NCAM1: variants seen among roughly 807,000 people sequenced by gnomAD.
NCAM1 encodes antigen recognized by monoclonal antibody 5.1H11.
In NCAM1, 14 loss-of-function variants were observed where a neutral mutation model predicts 109.8. That is an observed-to-expected ratio of 0.13 (90% CI 0.08 to 0.20). NCAM1 has a LOEUF of 0.20. NCAM1 is among the 10% of genes least tolerant of loss of function. The probability of loss-of-function intolerance (pLI) is 1.00; values close to 1 mark genes in which losing one functional copy is unlikely to be tolerated. For synonymous variants in NCAM1, 418 were observed against 442.9 expected (o/e 0.94, Z 0.70); for missense variants, 774 against 1,109.9 (o/e 0.70, Z 4.30).
chr11:113,069,692 G>C (rs1184094269), intron 1 of NCAM1, among the ~76,000 whole-genome samples: 2 of 152,192 alleles, frequency 1.3e-5, no homozygotes, highest in East Asian at 3.8e-4. Flanking sequence ...ATGAGGCAAT[G>C]GCTATGGAGA....
chr11:113,223,946 T>A (rs1375617432), intron 9 of NCAM1, among the ~76,000 whole-genome samples: 1 of 151,930 alleles, frequency 6.6e-6, no homozygotes, highest in Non-Finnish European at 1.5e-5. Flanking sequence ...GCCCTGGAGG[T>A]AGGGGCGGTT....
In NCAM1 at chr11:113,270,432, C is replaced by A. The variant is rs782093315; in HGVS notation, c.2339+37C>A. On this transcript the variant is annotated intron_variant, in intron 18 of 19. Coordinates refer to ENST00000316851, the MANE Select transcript of NCAM1 (RefSeq NM_181351.5). ...CCTGTCCACCTTGCTGAGGTTTGGG[C>A]TCTGCTCCAGCCCAGGGACCCAGCA... is the stretch of plus-strand genomic sequence containing the variant. 3.7e-6 allele frequency: 6 copies of A among 1,602,070 alleles called. No homozygotes were observed. The South Asian group carries it at 5.5e-5, about 15-fold the overall frequency.
At chr11:113,072,051 A>G (rs1368174856) in intron 1 of NCAM1, among the ~76,000 whole-genome samples, 1 of 152,196 alleles carries the variant, frequency 6.6e-6, no homozygotes, top group African/African-American at 2.4e-5. Flanking sequence ...AGGCTGAGGC[A>G]AGAAAATCAC....
intron 1 of NCAM1, among the ~76,000 whole-genome samples, chr11:113,083,754 G>A (rs782609293): frequency 6.6e-6 from 1 of 152,168 alleles, no homozygotes; most frequent in Non-Finnish European, 1.5e-5. Flanking sequence ...ACTGTTCTGA[G>A]CCAATGTAGT....
chr11:113,207,432 C>A, intron 6 of NCAM1, 54 bp downstream of exon 6: 1 of 1,425,478 alleles, frequency 7.0e-7, no homozygotes, highest in Non-Finnish European at 9.9e-7. Context: ...TGGGGCATCA[C>A]AAAGTCTGCT....
intron 1 of NCAM1, among the ~76,000 whole-genome samples, chr11:113,142,557 C>T (rs951739849): frequency 2.0e-5 from 3 of 152,148 alleles, no homozygotes; most frequent in African/African-American, 4.8e-5. Flanking sequence ...CCTTTAACAA[C>T]CCAGGTAGAG....
chr11:113,079,316 A>G (rs982703747), intron 1 of NCAM1, among the ~76,000 whole-genome samples: 1 of 152,230 alleles, frequency 6.6e-6, no homozygotes, highest in Admixed American at 6.5e-5. Flanking sequence ...GTCTAGAGTC[A>G]GTCCACTGGT....
intron 14 of NCAM1, among the ~76,000 whole-genome samples, chr11:113,238,032 G>A (rs1461925565): frequency 1.3e-5 from 2 of 150,990 alleles, no homozygotes; most frequent in Non-Finnish European, 2.9e-5. Context: ...AATTTTTAAT[G>A]AAATTTTAAT....
chr11:113,083,801 G>T (rs1386474102), intron 1 of NCAM1, among the ~76,000 whole-genome samples: 1 of 152,094 alleles, frequency 6.6e-6, no homozygotes, highest in East Asian at 1.9e-4. Context: ...AGTAGCAAGG[G>T]CTTTGTCTTT....
chr11:113,029,297 G>A (rs868915958), intron 1 of NCAM1, among the ~76,000 whole-genome samples: 50 of 152,190 alleles, frequency 3.3e-4, no homozygotes, highest in African/African-American at 1.1e-3. Context: ...ACAGATAGTG[G>A]TGAAATATTC....
At chr11:112,993,181 G>A (rs1951509374) in intron 1 of NCAM1, among the ~76,000 whole-genome samples, 1 of 152,194 alleles carries the variant, frequency 6.6e-6, no homozygotes, top group South Asian at 2.1e-4. Flanking sequence ...TCATGGTTCT[G>A]CAGGCTTTAC....
At chr11:113,231,247 A>C (rs1439794333) in intron 9 of NCAM1, 5 of 1,536,126 alleles carry the variant, frequency 3.3e-6, no homozygotes, top group Non-Finnish European at 4.4e-6. Context: ...ACAGGCTGGC[A>C]GTGCAGGTTT....
chr11:113,067,003 C>CA (rs34002848), intron 1 of NCAM1, among the ~76,000 whole-genome samples: 76,364 of 103,722 alleles, frequency 0.74, 27,503 homozygotes, highest in Non-Finnish European at 0.76. Flanking sequence ...GAACCCCTCT[C>CA]AAAAAAAAAA....
At position 112,963,055 on chromosome 11, in the gene NCAM1, G is replaced by A. The variant is rs1383863565; in HGVS notation, c.52+1391G>A. On this transcript the variant is annotated intron_variant, in intron 1 of 19. Coordinates refer to ENST00000316851, the MANE Select transcript of NCAM1 (RefSeq NM_181351.5). This position sits in a 1 kb window ranked among gnomAD's most constrained non-coding sequence, Gnocchi z 4.6. ...GGCACAAGAGCAGCGCTCGGCCGCC[G>A]CCTCCAGCCAACTCGGGTCCCTCCC... Among the ~76,000 whole-genome samples the A allele has an allele frequency of 6.6e-6, 1 of 152,132 alleles. No individual in the cohort carries two copies. The highest frequency in any genetic ancestry group is 1.5e-5 in the Non-Finnish European group (1 of 68,006).
At chr11:113,134,935 T>A (rs1555099096) in intron 1 of NCAM1, among the ~76,000 whole-genome samples, 1 of 151,978 alleles carries the variant, frequency 6.6e-6, no homozygotes, top group African/African-American at 2.4e-5. Flanking sequence ...CGGTTCCTGT[T>A]TTTCCTCCCA....
chr11:113,262,954 T>TA (rs1946050892), intron 17 of NCAM1: 1 of 1,606,362 alleles, frequency 6.2e-7, no homozygotes, highest in South Asian at 1.1e-5. Flanking sequence ...TAAATTTGCT[T>TA]AAAAGCCCAG....
At chr11:113,264,316 G>T (rs146402343) in intron 17 of NCAM1, 2 of 985,376 alleles carry the variant, frequency 2.0e-6, no homozygotes, top group East Asian at 2.3e-4. Flanking sequence ...CCCATGCTGT[G>T]GTCTGAGGGG....
chr11:113,120,538 C>A (rs559174504), intron 1 of NCAM1, among the ~76,000 whole-genome samples: 1 of 152,168 alleles, frequency 6.6e-6, no homozygotes, highest in Non-Finnish European at 1.5e-5. Flanking sequence ...GCTGTGGCCA[C>A]GCTTTGCACT....
chr11:113,011,679 A>T (rs797037583), intron 1 of NCAM1, among the ~76,000 whole-genome samples: 9 of 152,336 alleles, frequency 5.9e-5, no homozygotes, highest in African/African-American at 2.2e-4. Context: ...AGATGGTAGC[A>T]GTGGTACCTT....
Sources: allele counts gnomAD v4.1 joint callset (sites outside exome capture counted in the v4.1 genomes callset), GRCh38; gene constraint gnomAD v4.1.1; non-coding constraint Gnocchi (gnomAD v3.1); transcripts MANE v1.5; gene names NCBI Gene and HGNC (gene_info 2026-07-23, HGNC 2026-07-21).